The following CPNE4 variants were observed in gnomAD, a reference collection of about 807,000 sequenced individuals.
The protein encoded by CPNE4 is copine-4.
In CPNE4, 25 loss-of-function variants were observed where a neutral mutation model predicts 67.9. That is an observed-to-expected ratio of 0.37 (90% CI 0.27 to 0.51). CPNE4 has a LOEUF of 0.51. Among genes scored for constraint, CPNE4 ranks in the 20% least tolerant of loss-of-function variants. The pLI, the probability that CPNE4 is intolerant of heterozygous loss-of-function variation, is 0.93. For missense variants in CPNE4, 464 were observed against 690.8 expected (o/e 0.67, Z 3.68); for synonymous variants, 242 against 244.9 (o/e 0.99, Z 0.11).
At chr3:131,766,041 A>T (rs1017814090) in intron 2 of CPNE4, among the ~76,000 whole-genome samples, 4 of 152,208 alleles carry the variant, frequency 2.6e-5, no homozygotes, top group African/African-American at 9.6e-5. Context: ...GGGGAATCAG[A>T]AGGTCCATTT....
intron 2 of CPNE4, among the ~76,000 whole-genome samples, chr3:131,847,984 C>T (rs2086069117): frequency 6.6e-6 from 1 of 152,158 alleles, no homozygotes; most frequent in African/African-American, 2.4e-5. Flanking sequence ...CTCCTAAACA[C>T]TCTTCTTCTT....
At chr3:131,925,913 C>A (rs1399867729) in intron 1 of CPNE4, among the ~76,000 whole-genome samples, 1 of 152,036 alleles carries the variant, frequency 6.6e-6, no homozygotes, top group Non-Finnish European at 1.5e-5. Flanking sequence ...GGACATGAGA[C>A]ATATTTTCCA....
intron 2 of CPNE4, among the ~76,000 whole-genome samples, chr3:131,787,443 A>G (rs1184967116): frequency 6.6e-6 from 1 of 152,168 alleles, no homozygotes; most frequent in African/African-American, 2.4e-5. Context: ...GTGTTAGCCC[A>G]CATGACAAGG....
At chr3:131,882,284 CATAAAG>C (rs1299725451) in intron 2 of CPNE4, among the ~76,000 whole-genome samples, 7 of 151,954 alleles carry the variant, frequency 4.6e-5, no homozygotes, top group African/African-American at 1.7e-4. Context: ...AACTTCTTAA[CATAAAG>C]ATAATTTTGG....
chr3:131,862,202 T>C (rs2086718769), intron 2 of CPNE4, among the ~76,000 whole-genome samples: 2 of 152,226 alleles, frequency 1.3e-5, no homozygotes, highest in African/African-American at 2.4e-5. Flanking sequence ...GTTGTCTTCT[T>C]GGTCTTTGAT....
Position 131,550,043 on chromosome 3 carries a change from A to G in CPNE4, c.1206T>C (p.Leu402=), listed in dbSNP as rs561721026. 3.7e-6 allele frequency: 6 copies of G among 1,613,100 alleles called. No individual in the cohort carries two copies. The highest frequency in any genetic ancestry group is 2.2e-5 in the East Asian group (1 of 44,840). ...TGGGACCGTAGAGTTGGAGCTTAGG[A>G]AGACAGCTCTGATAGGCTTCCACAA... ...QGVVEAYQSC[L]PKLQLYGPTN... The change falls in exon 14 of 16, where the codon CTT becomes CTC. Residue 402 remains leucine (L), a synonymous_variant. Transcript: ENST00000429747.
At position 131,902,073 on chromosome 3, in the gene CPNE4, GTTT is replaced by G. The variant is rs1226684575; in HGVS notation, c.180+3188_180+3190del. Among the ~76,000 whole-genome samples the G allele has an allele frequency of 3.3e-5, 3 of 89,738 alleles. No homozygotes were observed. In the East Asian group the frequency reaches 8.9e-4, roughly 27 times the overall value. 58.9% of individuals were successfully genotyped at this position (89,738 alleles called of 152,430 possible). A position where few individuals can be genotyped will look rare whatever the true frequency, so the allele number is the denominator to read the frequency against. The stretch of plus-strand genomic sequence containing the variant: ...TCTTAGCCACCTGGCATGCACTTTG[GTTT>G]TATTATTATTATTATTATTATATCC... On this transcript the variant is annotated intron_variant, in intron 2 of 15. Coordinates refer to ENST00000429747, the MANE Select transcript of CPNE4 (RefSeq NM_130808.3).
chr3:131,776,911 A>C (rs1472874080), intron 2 of CPNE4, among the ~76,000 whole-genome samples: 7 of 152,158 alleles, frequency 4.6e-5, no homozygotes, highest in African/African-American at 1.7e-4. Context: ...AAGTATATAT[A>C]GATTGAATTA....
At chr3:131,802,025 C>T (rs1011791414) in intron 2 of CPNE4, among the ~76,000 whole-genome samples, 2 of 151,876 alleles carry the variant, frequency 1.3e-5, no homozygotes, top group Non-Finnish European at 2.9e-5. Context: ...AATTCAGGGT[C>T]GGTTTCATAA....
intron 1 of CPNE4, among the ~76,000 whole-genome samples, chr3:131,987,461 A>T (rs2073081413): frequency 6.7e-6 from 1 of 150,370 alleles, no homozygotes; most frequent in African/African-American, 2.4e-5. Context: ...ATCTCAGCTC[A>T]CTGTAACCTC....
At chr3:131,919,980 C>G (rs1203760569) in intron 1 of CPNE4, among the ~76,000 whole-genome samples, 1 of 152,124 alleles carries the variant, frequency 6.6e-6, no homozygotes, top group Non-Finnish European at 1.5e-5. Context: ...TTCTCCCCAG[C>G]CTGGATCCAT....
intron 1 of CPNE4, among the ~76,000 whole-genome samples, chr3:131,977,495 A>G (rs541763788): frequency 6.6e-6 from 1 of 152,178 alleles, no homozygotes; most frequent in African/African-American, 2.4e-5. Context: ...GTGAATTTAC[A>G]TTTGACAATC....
intron 2 of CPNE4, among the ~76,000 whole-genome samples, chr3:131,803,807 G>C (rs1055131970): frequency 6.6e-6 from 1 of 152,134 alleles, no homozygotes; most frequent in Admixed American, 6.6e-5. Context: ...AGTAAATTAC[G>C]TACCTCTAAT....
chr3:131,539,804 C>A (rs1396214592), intron 15 of CPNE4, among the ~76,000 whole-genome samples: 2 of 152,182 alleles, frequency 1.3e-5, no homozygotes, highest in Non-Finnish European at 2.9e-5. Flanking sequence ...AAAGTTATCA[C>A]TGGTATTCAG....
In CPNE4 at chr3:131,723,426, A is replaced by C; in HGVS notation, c.360+20T>G. On this transcript the variant is annotated intron_variant, in intron 3 of 15. Coordinates refer to ENST00000429747, the MANE Select transcript of CPNE4 (RefSeq NM_130808.3). ...GGCCCTAGGATGGCAAGGAGGAGGA[A>C]GGGATGTCTGTTGACCCACCTGGCC... 6.2e-7 allele frequency: 1 copy of C among 1,608,252 alleles called. No individual in the cohort carries two copies.
chr3:131,806,549 C>CAAAAAAAAA (rs58302207), intron 2 of CPNE4, among the ~76,000 whole-genome samples: 1 of 72,964 alleles, frequency 1.4e-5, no homozygotes, highest in African/African-American at 4.7e-5. Flanking sequence ...GACTCCGTCT[C>CAAAAAAAAA]AAAAAAAAAA....
At chr3:131,952,796 G>C (rs2071803255) in intron 1 of CPNE4, among the ~76,000 whole-genome samples, 1 of 152,188 alleles carries the variant, frequency 6.6e-6, no homozygotes, top group South Asian at 2.1e-4. Context: ...TTGTGGAATA[G>C]AAAGGGGGGA....
At position 131,564,335 on chromosome 3, in the gene CPNE4, G is replaced by A. The variant is rs138712970; in HGVS notation, c.942C>T (p.Phe314=). ...TCCTGGGGTCCCCGTTTGAGGCAGT[G>A]AAATCTATAGCTACCTAAAAGAGAA... ...CQIQFTVAID[F]TASNGDPRNS... Residue 314 remains phenylalanine, a synonymous_variant, in exon 11 of 16, where the codon TTC becomes TTT. Transcript: ENST00000429747. The A allele has an allele frequency of 7.4e-6, 12 of 1,611,744 alleles. No homozygotes were observed. The African/African-American group carries it at 1.6e-4, about 22-fold the overall frequency.
chr3:131,873,858 T>G (rs2087322243), intron 2 of CPNE4, among the ~76,000 whole-genome samples: 1 of 152,152 alleles, frequency 6.6e-6, no homozygotes, highest in Non-Finnish European at 1.5e-5. Context: ...CTACCTGTCC[T>G]CTTGTCTCCT....
Sources: gnomAD v4.1 joint callset for allele counts (sites outside exome capture counted in the v4.1 genomes callset) on GRCh38, gnomAD v4.1.1 for gene constraint, MANE v1.5 for transcripts, NCBI Gene and HGNC (gene_info 2026-07-23, HGNC 2026-07-21) for gene names.